INPP5A: variants seen among roughly 807,000 people sequenced by gnomAD.
The protein encoded by INPP5A is inositol polyphosphate-5-phosphatase A, also known as 43 kDa inositol polyphosphate 5-phophatase.
A neutral mutation model predicts 65.2 loss-of-function variants in INPP5A; 14 were observed. The observed-to-expected ratio is 0.21, with a 90% CI of 0.14 to 0.34. The LOEUF is 0.34. Ranked by LOEUF, INPP5A falls within the 10% of genes least tolerant of loss-of-function variation. The pLI, the probability that INPP5A is intolerant of heterozygous loss-of-function variation, is 1.00. For synonymous variants in INPP5A, 207 were observed against 208.3 expected, an observed-to-expected ratio of 0.99 and a Z score of 0.05; for missense variants, 431 against 545.6, an observed-to-expected ratio of 0.79 and a Z score of 2.09.
At chr10:132,732,734 G>A (rs987281473) in intron 9 of INPP5A, among the ~76,000 whole-genome samples, 2 of 152,150 alleles carry the variant, frequency 1.3e-5, no homozygotes, top group South Asian at 2.1e-4. Context: ...GGTCACCTGC[G>A]GCCCCTCAGT....
At chr10:132,781,718 C>T (rs1048452323) in intron 14 of INPP5A, 143 bp from the exon 15 acceptor site, 37 of 710,730 alleles carry the variant, frequency 5.2e-5, no homozygotes, top group Admixed American at 2.1e-4. Context: ...GCCGAGCTGC[C>T]TCTGCTGGCC....
At chr10:132,655,129 C>T (rs2072636884) in intron 4 of INPP5A, among the ~76,000 whole-genome samples, 2 of 152,226 alleles carry the variant, frequency 1.3e-5, no homozygotes, top group South Asian at 2.1e-4. Context: ...AGCTCTGCGC[C>T]CGCATGGAAA....
intron 4 of INPP5A, among the ~76,000 whole-genome samples, chr10:132,672,556 C>G (rs2072904313): frequency 6.6e-6 from 1 of 152,180 alleles, no homozygotes; most frequent in Admixed American, 6.5e-5. Context: ...ATGTGACTTG[C>G]TCCTCCTTGC....
chr10:132,726,403 C>A (rs1845985357), intron 8 of INPP5A, among the ~76,000 whole-genome samples: 1 of 152,178 alleles, frequency 6.6e-6, no homozygotes, highest in African/African-American at 2.4e-5. Flanking sequence ...CTGTCTCCCT[C>A]CCGCCTTTCC....
chr10:132,625,619 C>T (rs2072172150), intron 2 of INPP5A, among the ~76,000 whole-genome samples: 1 of 152,186 alleles, frequency 6.6e-6, no homozygotes, highest in African/African-American at 2.4e-5. Context: ...ACATGGGAGC[C>T]TCTGCTGCAG....
intron 1 of INPP5A, among the ~76,000 whole-genome samples, chr10:132,543,548 C>T (rs2070933536): frequency 6.6e-6 from 1 of 152,206 alleles, no homozygotes; most frequent in Admixed American, 6.5e-5. Context: ...TCCTGAATAA[C>T]GGGGACTACA....
intron 1 of INPP5A, among the ~76,000 whole-genome samples, chr10:132,607,304 C>T (rs1040517442): frequency 2.0e-5 from 3 of 152,220 alleles, no homozygotes; most frequent in South Asian, 2.1e-4. Context: ...AGTTTCCTTG[C>T]GTGTGTGCAC....
chr10:132,567,222 T>C (rs1298376772), intron 1 of INPP5A, among the ~76,000 whole-genome samples: 1 of 152,206 alleles, frequency 6.6e-6, no homozygotes, highest in African/African-American at 2.4e-5. Context: ...CAGATTCTCA[T>C]CCCACATTCT....
intron 1 of INPP5A, among the ~76,000 whole-genome samples, chr10:132,539,244 ACTGT>A (rs1354533799): frequency 2.6e-5 from 4 of 152,122 alleles, no homozygotes; most frequent in Non-Finnish European, 5.9e-5. Flanking sequence ...TGCCGGCCTC[ACTGT>A]CTGTCTGTCC....
At chr10:132,752,976 T>C (rs1204840598) in intron 11 of INPP5A, among the ~76,000 whole-genome samples, 1 of 152,110 alleles carries the variant, frequency 6.6e-6, no homozygotes, top group Non-Finnish European at 1.5e-5. Flanking sequence ...CCTGGTGCAC[T>C]GTGTCGATAC....
At position 132,616,268 on chromosome 10, in the gene INPP5A, G is replaced by A. The variant is rs2072031817; in HGVS notation, c.117+8312G>A. ...GAGGTGCCTGTGCTTTGTTGGTTGT[G>A]AACAAGCATCCAAGGGAGGACCACA... is the stretch of plus-strand genomic sequence containing the variant. On this transcript the variant is annotated intron_variant, in intron 2 of 15. Transcript: ENST00000368594. The surrounding 1 kb of genome is among the most constrained non-coding windows in gnomAD (Gnocchi z 4.9). 6.6e-6 allele frequency among the ~76,000 whole-genome samples: 1 copy of A among 152,234 alleles called. No individual in the cohort carries two copies. Among genetic ancestry groups the A allele is most frequent in the Non-Finnish European group, 1.5e-5 (1 of 68,032 alleles).
rs889137077 is a variant in INPP5A at position 132,753,234 on chromosome 10, C to T, written c.903+3389C>T. Among the ~76,000 whole-genome samples, 5 of 152,144 alleles carry T rather than the reference C, an allele frequency of 3.3e-5. No homozygotes were observed. Among genetic ancestry groups the T allele is most frequent in the South Asian group, 2.1e-4 (1 of 4,820 alleles). On this transcript the variant is annotated intron_variant, in intron 11 of 15. Coordinates refer to ENST00000368594, the MANE Select transcript of INPP5A (RefSeq NM_005539.5). The surrounding 1 kb of genome is among the most constrained non-coding windows in gnomAD (Gnocchi z 5.3). ...AGAAATTGGCAGTTGTCCCCATCGA[C>T]GGAGGGTCAAGGTGGTCGGACGGGG...
At position 132,603,099 on chromosome 10, in the gene INPP5A, T is replaced by C. The variant is rs2071797880; in HGVS notation, c.76-4816T>C. 6.6e-6 allele frequency among the ~76,000 whole-genome samples: 1 copy of C among 152,168 alleles called. No individual in the cohort carries two copies. Among genetic ancestry groups the C allele is most frequent in the African/African-American group, 2.4e-5 (1 of 41,432 alleles). On this transcript the variant is annotated intron_variant, in intron 1 of 15. Coordinates refer to ENST00000368594, the MANE Select transcript of INPP5A (RefSeq NM_005539.5). The surrounding 1 kb of genome is among the most constrained non-coding windows in gnomAD (Gnocchi z 4.2). Reference sequence around the variant, plus strand: ...GTATTGCTTGTCAATTAATGCCTCTTCCCTCAACAGTGTGAAATGCCTCAA... The same window carrying C: ...GTATTGCTTGTCAATTAATGCCTCTCCCCTCAACAGTGTGAAATGCCTCAA...
chr10:132,744,176 G>A (rs1168993182), intron 9 of INPP5A, among the ~76,000 whole-genome samples: 1 of 152,244 alleles, frequency 6.6e-6, no homozygotes, highest in Non-Finnish European at 1.5e-5. Context: ...TCAAGGAGCA[G>A]GCTCATTTTG....
chr10:132,546,275 CGTGCCCTGA>C lies in INPP5A; in HGVS notation c.75+8108_75+8116del, dbSNP rs1466687935. Among the ~76,000 whole-genome samples the C allele has an allele frequency of 6.6e-6, 1 of 152,206 alleles. No individual in the cohort carries two copies. Among genetic ancestry groups the C allele is most frequent in the Non-Finnish European group, 1.5e-5 (1 of 68,032 alleles). ...TGGCGCAGAAGTGGTTTCCCAGCGGCGTGCCCTGAGTGTTGGGAAAAGGCCCTCTGCTGC... is the reference window on the plus strand; with the variant it reads ...TGGCGCAGAAGTGGTTTCCCAGCGGCGTGTTGGGAAAAGGCCCTCTGCTGC... On this transcript the variant is annotated intron_variant, in intron 1 of 15. Coordinates refer to ENST00000368594, the MANE Select transcript of INPP5A (RefSeq NM_005539.5). The surrounding 1 kb of genome is among the most constrained non-coding windows in gnomAD (Gnocchi z 5.7).
At chr10:132,746,060 C>T (rs11146496) in intron 9 of INPP5A, among the ~76,000 whole-genome samples, 2,414 of 152,270 alleles carry the variant, frequency 0.016, 68 homozygotes, top group African/African-American at 0.054. Context: ...GTTGCCTGCA[C>T]GTGTGCCCAG....
chr10:132,692,440 C>A (rs1818911158), intron 5 of INPP5A, among the ~76,000 whole-genome samples: 1 of 152,144 alleles, frequency 6.6e-6, no homozygotes, highest in Admixed American at 6.5e-5. Context: ...GAAAGCTCAA[C>A]GAATGCCAAC....
intron 4 of INPP5A, among the ~76,000 whole-genome samples, chr10:132,658,958 G>A (rs944129201): frequency 6.6e-6 from 1 of 152,134 alleles, no homozygotes; most frequent in African/African-American, 2.4e-5. Context: ...CTTCCTCGTG[G>A]GTGCTCAACA....
chr10:132,643,644 A>G (rs1472237635), intron 2 of INPP5A, among the ~76,000 whole-genome samples: 1 of 152,236 alleles, frequency 6.6e-6, no homozygotes, highest in African/African-American at 2.4e-5. Context: ...GTCAAAGGGC[A>G]TAAAAGCATC....
Sources: allele counts gnomAD v4.1 joint callset (sites outside exome capture counted in the v4.1 genomes callset), GRCh38; gene constraint gnomAD v4.1.1; non-coding constraint Gnocchi (gnomAD v3.1); transcripts MANE v1.5; gene names NCBI Gene and HGNC (gene_info 2026-07-23, HGNC 2026-07-21).